NAALADL2: variants seen among roughly 807,000 people sequenced by gnomAD.
The protein encoded by NAALADL2 is N-acetylated alpha-linked acidic dipeptidase like 2, also known as inactive N-acetylated-alpha-linked acidic dipeptidase-like protein 2.
Under a neutral mutation model 87.2 loss-of-function variants are expected in NAALADL2, and 76 were observed. The observed-to-expected ratio is 0.87, with a 90% CI of 0.72 to 1.05. The LOEUF (loss-of-function observed/expected upper bound fraction) is 1.05, where lower values mean the gene tolerates loss of function less well. Among genes scored for constraint, NAALADL2 ranks in the 50% least tolerant of loss-of-function variants. The pLI is 0.00. For missense variants in NAALADL2, 1,089 were observed against 945.8 expected, an observed-to-expected ratio of 1.15 and a Z score of -1.99; for synonymous variants, 354 against 331.0, an observed-to-expected ratio of 1.07 and a Z score of -0.75.
chr3:174,604,160 T>G (rs764643761), intron 2 of NAALADL2, among the ~76,000 whole-genome samples: 1 of 152,190 alleles, frequency 6.6e-6, no homozygotes, highest in African/African-American at 2.4e-5. Context: ...AAGTGAGATG[T>G]GCTGATAGTG....
intron 5 of NAALADL2, among the ~76,000 whole-genome samples, chr3:175,324,892 C>G (rs1760493391): frequency 6.6e-6 from 1 of 152,150 alleles, no homozygotes; most frequent in Non-Finnish European, 1.5e-5. Context: ...TTTCTTTTTC[C>G]TAGATAGCTC....
chr3:175,607,923 G>A lies in NAALADL2; in HGVS notation c.1801-19368G>A, dbSNP rs539810556. ...AACACACACACACACGCACACACAC[G>A]CACACACACATCATATTCAATCTGA... On this transcript the variant is annotated intron_variant, in intron 10 of 13. Coordinates refer to ENST00000454872, the MANE Select transcript of NAALADL2 (RefSeq NM_207015.3). 1.0e-3 allele frequency among the ~76,000 whole-genome samples: 149 copies of A among 148,866 alleles called. 1 individual carries two copies. Among genetic ancestry groups the A allele is most frequent in the African/African-American group, 3.4e-3 (136 of 39,618 alleles).
At chr3:175,295,378 C>T (rs1242312380) in intron 4 of NAALADL2, among the ~76,000 whole-genome samples, 1 of 152,074 alleles carries the variant, frequency 6.6e-6, no homozygotes, top group African/African-American at 2.4e-5. Context: ...GAATTCGTTT[C>T]TTTTCCTGTG....
intron 4 of NAALADL2, among the ~76,000 whole-genome samples, chr3:175,258,757 G>A (rs572357561): frequency 2.0e-5 from 3 of 152,224 alleles, no homozygotes; most frequent in Admixed American, 6.5e-5. Context: ...GCAATGTGGG[G>A]GACGTGATAG....
chr3:175,235,316 G>A (rs1009443679), intron 3 of NAALADL2: 5 of 152,058 alleles, frequency 3.3e-5, no homozygotes, highest in African/African-American at 9.7e-5. Context: ...GTCCAGCATC[G>A]TTTCTATTCT....
At chr3:175,424,959 T>C (rs767958562) in intron 5 of NAALADL2, among the ~76,000 whole-genome samples, 19 of 152,292 alleles carry the variant, frequency 1.2e-4, no homozygotes, top group African/African-American at 1.9e-4. Context: ...TTACGTACTA[T>C]ACAGCCAATA....
chr3:174,783,982 T>G (rs539316185), intron 3 of NAALADL2, among the ~76,000 whole-genome samples: 1 of 152,300 alleles, frequency 6.6e-6, no homozygotes, highest in East Asian at 1.9e-4. Context: ...AAAGAATATA[T>G]ACTAGTTTGA....
chr3:174,719,699 G>A (rs1731528410), intron 2 of NAALADL2, among the ~76,000 whole-genome samples: 1 of 152,178 alleles, frequency 6.6e-6, no homozygotes, highest in Non-Finnish European at 1.5e-5. Context: ...AATATCCTCT[G>A]GAATTTGAGA....
At position 175,809,992 on chromosome 3, in the gene NAALADL2, T is replaced by C. The variant is rs2108392992; in HGVS notation, c.*6789T>C. 6.6e-6 allele frequency: 1 copy of C among 152,192 alleles called. No individual in the cohort carries two copies. Among genetic ancestry groups the C allele is most frequent in the Admixed American group, 6.6e-5 (1 of 15,256 alleles). 9.4% of individuals were successfully genotyped at this position (152,192 alleles called of 1,614,324 possible). A position where few individuals can be genotyped will look rare whatever the true frequency, so the allele number is the denominator to read the frequency against. ...ACATATCTCTCAAGAGGTGTCCCAATTACTAAATTATGTTGAACTGTTGTG... is the reference window on the plus strand; with the variant it reads ...ACATATCTCTCAAGAGGTGTCCCAACTACTAAATTATGTTGAACTGTTGTG... On this transcript the variant is annotated 3_prime_UTR_variant, in exon 14 of 14. Coordinates refer to ENST00000454872, the MANE Select transcript of NAALADL2 (RefSeq NM_207015.3).
intron 11 of NAALADL2, among the ~76,000 whole-genome samples, chr3:175,687,062 A>C (rs1035753699): frequency 6.6e-6 from 1 of 152,182 alleles, no homozygotes; most frequent in African/African-American, 2.4e-5. Context: ...ATCTCCTTCT[A>C]GATAAATGAT....
intron 2 of NAALADL2, among the ~76,000 whole-genome samples, chr3:174,727,463 T>G (rs2108971167): frequency 6.6e-6 from 1 of 152,208 alleles, no homozygotes; most frequent in South Asian, 2.1e-4. Flanking sequence ...AATTGTATAA[T>G]CTAGTGGCCA....
Position 174,707,372 on chromosome 3 carries a change from A to G in NAALADL2, c.-114-30269A>G, listed in dbSNP as rs1253869507. ...GTATGTTTATTGTGGCAATATTCAC[A>G]ATAGCAAAGACTTGGAACCAACCCA... On this transcript the variant is annotated intron_variant, in intron 2 of 3. Coordinates refer to the NAALADL2 transcript ENST00000434257. Among the ~76,000 whole-genome samples the G allele has an allele frequency of 2.6e-5, 4 of 152,282 alleles. No individual in the cohort carries two copies. In the East Asian group the frequency reaches 7.7e-4, roughly 29 times the overall value.
Position 175,806,259 on chromosome 3 carries a change from G to A in NAALADL2, c.*3056G>A, listed in dbSNP as rs1032767206. ...ACAAAGACTGGGTACTTGAGAGAAA[G>A]TGGGGAGAATCCTTACAGAACACCA... On this transcript the variant is annotated 3_prime_UTR_variant, in exon 14 of 14. Transcript: ENST00000454872. 3 of 151,862 alleles carry A rather than the reference G, an allele frequency of 2.0e-5. No individual in the cohort carries two copies. The highest frequency in any genetic ancestry group is 3.9e-4 in the East Asian group (2 of 5,172). 9.4% of individuals were successfully genotyped at this position (151,862 alleles called of 1,614,324 possible).
At chr3:174,642,209 G>A (rs1324689860) in intron 2 of NAALADL2, among the ~76,000 whole-genome samples, 1 of 151,882 alleles carries the variant, frequency 6.6e-6, no homozygotes, top group African/African-American at 2.4e-5. Context: ...AAAAAAAAAT[G>A]CATGTTGTTT....
Position 174,763,875 on chromosome 3 carries a change from G to A in NAALADL2, c.-9+26129G>A, listed in dbSNP as rs188151121. Among the ~76,000 whole-genome samples the A allele has an allele frequency of 2.7e-4, 40 of 150,928 alleles. No individual in the cohort carries two copies. The East Asian group carries it at 6.8e-3, about 26-fold the overall frequency. Reference sequence around the variant, plus strand: ...AATTTAAAAAAGATTAAAGTCCCAAGCAGTTTTAAAGCCATAAAATTTTAG... The same window carrying A: ...AATTTAAAAAAGATTAAAGTCCCAAACAGTTTTAAAGCCATAAAATTTTAG... On this transcript the variant is annotated intron_variant, in intron 3 of 3. Transcript: ENST00000434257.
chr3:175,182,357 T>G (rs1416252856), intron 2 of NAALADL2, among the ~76,000 whole-genome samples: 1 of 151,894 alleles, frequency 6.6e-6, no homozygotes, highest in Admixed American at 6.6e-5. Flanking sequence ...CTTTTCTCTA[T>G]TAATTGTTTC....
intron 4 of NAALADL2, among the ~76,000 whole-genome samples, chr3:175,259,683 T>C (rs2109876169): frequency 6.6e-6 from 1 of 152,342 alleles, no homozygotes; most frequent in East Asian, 1.9e-4. Flanking sequence ...TCTATAATTG[T>C]TGTGTATTTA....
At chr3:174,466,273 ATTT>A (rs1326538046) in intron 1 of NAALADL2, among the ~76,000 whole-genome samples, 3 of 137,628 alleles carry the variant, frequency 2.2e-5, no homozygotes, top group Admixed American at 7.3e-5. Context: ...ACATTATGAG[ATTT>A]TTTTTTTTTT....
chr3:175,338,229 G>C (rs1762195512), intron 5 of NAALADL2, among the ~76,000 whole-genome samples: 2 of 152,100 alleles, frequency 1.3e-5, no homozygotes, highest in South Asian at 4.1e-4. Flanking sequence ...CTGACCCTAA[G>C]AGAGGATATG....
Sources: allele counts gnomAD v4.1 joint callset (sites outside exome capture counted in the v4.1 genomes callset), GRCh38; gene constraint gnomAD v4.1.1; transcripts MANE v1.5; gene names NCBI Gene and HGNC (gene_info 2026-07-23, HGNC 2026-07-21).